Variants in LRBA observed in about 807,000 individuals in gnomAD.
LRBA encodes the protein LPS responsive beige-like anchor protein.
In LRBA, 176 loss-of-function variants were observed where a neutral mutation model predicts 330.0. That is an observed-to-expected ratio of 0.53 (90% CI 0.47 to 0.60). The LOEUF is 0.60. Among genes scored for constraint, LRBA ranks in the 20% least tolerant of loss-of-function variants. The probability of loss-of-function intolerance (pLI) is 0.00; values close to 1 mark genes in which losing one functional copy is unlikely to be tolerated. For synonymous variants in LRBA, 1,230 were observed against 1,193.0 expected (o/e 1.03, Z -0.64); for missense variants, 3,259 against 3,444.8 (o/e 0.95, Z 1.35).
At chr4:150,468,815 A>C (rs1755760478) in intron 43 of LRBA, among the ~76,000 whole-genome samples, 1 of 151,900 alleles carries the variant, frequency 6.6e-6, no homozygotes, top group African/African-American at 2.4e-5. Context: ...TTGGTATCTA[A>C]GCCTTTTTTA....
intron 37 of LRBA, among the ~76,000 whole-genome samples, chr4:150,600,809 T>C (rs1774037148): frequency 2.0e-5 from 3 of 152,140 alleles, no homozygotes. Flanking sequence ...AAAATGAAAT[T>C]CTCCTTAGGT....
intron 16 of LRBA, among the ~76,000 whole-genome samples, chr4:150,895,389 C>T (rs532291592): frequency 1.3e-4 from 20 of 152,128 alleles, no homozygotes; most frequent in Admixed American, 1.1e-3. Flanking sequence ...CCCATTAACT[C>T]GTCATTTAAC....
chr4:150,657,769 G>A (rs1323199354), intron 37 of LRBA, among the ~76,000 whole-genome samples: 1 of 151,988 alleles, frequency 6.6e-6, no homozygotes, highest in African/African-American at 2.4e-5. Flanking sequence ...ACACATGTAT[G>A]TTTACTATGT....
chr4:150,295,622 A>G (rs923188436), intron 53 of LRBA, among the ~76,000 whole-genome samples: 2 of 152,324 alleles, frequency 1.3e-5, no homozygotes, highest in Non-Finnish European at 1.5e-5. Context: ...CTATAAATAA[A>G]TGTTGCTAAT....
chr4:150,546,856 G>A (rs1440089760), intron 40 of LRBA, among the ~76,000 whole-genome samples: 1 of 152,128 alleles, frequency 6.6e-6, no homozygotes, highest in Non-Finnish European at 1.5e-5. Context: ...AATATGCATT[G>A]ATCATAGAGG....
intron 22 of LRBA, among the ~76,000 whole-genome samples, chr4:150,857,431 T>C (rs1000499806): frequency 2.0e-5 from 3 of 152,208 alleles, no homozygotes; most frequent in African/African-American, 4.8e-5. Context: ...TCTAATCTTT[T>C]CATTTTTAAA....
intron 53 of LRBA, among the ~76,000 whole-genome samples, chr4:150,289,469 AAAAG>A (rs1339918953): frequency 2.6e-5 from 4 of 152,186 alleles, no homozygotes; most frequent in Non-Finnish European, 5.9e-5. Context: ...GAAAAAAAGA[AAAAG>A]AAATTAAAAG....
intron 35 of LRBA, among the ~76,000 whole-genome samples, chr4:150,741,826 T>C (rs1455939451): frequency 1.3e-5 from 2 of 152,194 alleles, no homozygotes; most frequent in South Asian, 2.1e-4. Flanking sequence ...AACAAAACTA[T>C]GGTATTAGAA....
At chr4:150,465,460 T>A (rs1755324546) in intron 44 of LRBA, among the ~76,000 whole-genome samples, 1 of 152,124 alleles carries the variant, frequency 6.6e-6, no homozygotes, top group South Asian at 2.1e-4. Flanking sequence ...AGCTGCACTA[T>A]CATACTTTCG....
intron 46 of LRBA, among the ~76,000 whole-genome samples, chr4:150,422,412 G>A (rs2151966462): frequency 6.6e-6 from 1 of 152,048 alleles, no homozygotes; most frequent in East Asian, 1.9e-4. Context: ...TCACAATGGT[G>A]CAATTCAATA....
chr4:150,712,816 A>G (rs1378400333), intron 36 of LRBA, among the ~76,000 whole-genome samples: 2 of 152,242 alleles, frequency 1.3e-5, no homozygotes, highest in African/African-American at 4.8e-5. Flanking sequence ...TTCCTACTTA[A>G]TAAGCAAAAT....
intron 53 of LRBA, among the ~76,000 whole-genome samples, chr4:150,291,006 G>A (rs1210363208): frequency 2.0e-5 from 3 of 151,386 alleles, no homozygotes; most frequent in Admixed American, 6.6e-5. Context: ...TGCACATTGT[G>A]CAGGTTAGTT....
At chr4:150,315,223 C>T (rs1346999181) in intron 51 of LRBA, 4 of 347,348 alleles carry the variant, frequency 1.2e-5, no homozygotes, top group Middle Eastern at 8.5e-4. Flanking sequence ...TTCATCATAA[C>T]GTGCCTTGCT....
At chr4:150,847,083 A>G (rs1749953523) in intron 26 of LRBA, among the ~76,000 whole-genome samples, 1 of 152,196 alleles carries the variant, frequency 6.6e-6, no homozygotes, top group Non-Finnish European at 1.5e-5. Flanking sequence ...TTAAAGAAGT[A>G]TACTACAATA....
chr4:150,465,637 C>T (rs555664492), intron 44 of LRBA, among the ~76,000 whole-genome samples: 1 of 152,166 alleles, frequency 6.6e-6, no homozygotes, highest in South Asian at 2.1e-4. Context: ...ATCTCATTGG[C>T]CACTTGTATA....
At chr4:150,897,695 C>A in intron 15 of LRBA, 44 bp downstream of exon 15, 1 of 1,316,100 alleles carries the variant, frequency 7.6e-7, no homozygotes, top group Non-Finnish European at 1.1e-6. Context: ...GAAATTATAA[C>A]CTTCAATACA....
intron 44 of LRBA, among the ~76,000 whole-genome samples, chr4:150,446,868 A>C (rs1047598362): frequency 1.3e-5 from 2 of 152,182 alleles, no homozygotes; most frequent in African/African-American, 4.8e-5. Flanking sequence ...TAGAGAACTT[A>C]CATTTTACCC....
At chr4:150,974,868 C>G (rs535044320) in intron 2 of LRBA, among the ~76,000 whole-genome samples, 2 of 151,762 alleles carry the variant, frequency 1.3e-5, no homozygotes, top group Non-Finnish European at 2.9e-5. Context: ...ATACACAGGA[C>G]AAACCCAAAA....
At chr4:150,563,697 G>A (rs191197734) in intron 40 of LRBA, among the ~76,000 whole-genome samples, 31 of 152,116 alleles carry the variant, frequency 2.0e-4, no homozygotes, top group African/African-American at 6.5e-4. Context: ...CTCAGGATAC[G>A]AAATCAATGT....
Sources: gnomAD v4.1 joint callset for allele counts (sites outside exome capture counted in the v4.1 genomes callset) on GRCh38, gnomAD v4.1.1 for gene constraint, MANE v1.5 for transcripts, NCBI Gene and HGNC (gene_info 2026-07-23, HGNC 2026-07-21) for gene names.